SHISA9: variants seen among roughly 807,000 people sequenced by gnomAD.
The protein encoded by SHISA9 is shisa family member 9.
In SHISA9, 13 loss-of-function variants were observed where a neutral mutation model predicts 38.0. The ratio of observed to expected loss-of-function variants is 0.34; its 90% CI spans 0.22 to 0.54. SHISA9 has a LOEUF of 0.54. SHISA9 is among the 20% of genes least tolerant of loss of function. The pLI, the probability that SHISA9 is intolerant of heterozygous loss-of-function variation, is 0.91. For synonymous variants in SHISA9, 275 were observed against 242.0 expected, an observed-to-expected ratio of 1.14 and a Z score of -1.27; for missense variants, 538 against 575.8, an observed-to-expected ratio of 0.93 and a Z score of 0.67.
At chr16:12,955,589 A>G (rs2071820235) in intron 2 of SHISA9, among the ~76,000 whole-genome samples, 2 of 152,100 alleles carry the variant, frequency 1.3e-5, no homozygotes, top group African/African-American at 4.8e-5. Flanking sequence ...TAGAGAACCC[A>G]GAAATAAAGC....
the SHISA9 span, among the ~76,000 whole-genome samples, chr16:13,526,614 G>T: frequency 6.6e-6 from 1 of 152,138 alleles, no homozygotes; most frequent in Admixed American, 6.5e-5. Flanking sequence ...TCGAACCCCT[G>T]ATCTCAAGTG....
chr16:13,469,365 A>AAAAGAAAGAAAGAAAGAAAG, the SHISA9 span, among the ~76,000 whole-genome samples: 28 of 64,530 alleles, frequency 4.3e-4, no homozygotes, highest in Non-Finnish European at 4.9e-4. Context: ...AAAGAAAAGA[A>AAAAGAAAGAAAGAAAGAAAG]AAAGAAAGAA....
Position 12,916,732 on chromosome 16 carries a change from A to G in SHISA9, c.608A>G (p.Asp203Gly). 2.6e-6 allele frequency: 4 copies of G among 1,552,172 alleles called. No individual in the cohort carries two copies. Among genetic ancestry groups the G allele is most frequent in the Non-Finnish European group, 3.5e-6 (4 of 1,147,098 alleles). Residue 203 changes from aspartate to glycine, a missense_variant, in exon 2 of 5, where the codon GAT becomes GGT. By Grantham distance (94) the Asp-to-Gly change is moderately conservative. This residue lies in a region of SHISA9 where 326 missense variants were observed against 305.9 expected (regional missense o/e 1.07). Transcript: ENST00000558583. ...VMRPQGHCNT[D>G]HMERDLNIVV... Reference sequence around the variant, plus strand: ...AGACCACAGGGCCACTGCAACACTGATCACATGGAGAGAGACCTAAACATC... The same window carrying G: ...AGACCACAGGGCCACTGCAACACTGGTCACATGGAGAGAGACCTAAACATC...
At chr16:13,048,690 G>A (rs1290811570) in intron 2 of SHISA9, among the ~76,000 whole-genome samples, 1 of 152,188 alleles carries the variant, frequency 6.6e-6, no homozygotes, top group Non-Finnish European at 1.5e-5. Flanking sequence ...CCAAAGTGCT[G>A]GGATTACAGG....
At chr16:13,292,158 G>A in the SHISA9 span, among the ~76,000 whole-genome samples, 1 of 151,770 alleles carries the variant, frequency 6.6e-6, no homozygotes, top group Non-Finnish European at 1.5e-5. Flanking sequence ...TGCTGAACTA[G>A]GAAAAGCCAA....
At position 13,235,452 on chromosome 16, in the gene SHISA9, G is replaced by C; in HGVS notation, c.*43G>C. The C allele has an allele frequency of 6.7e-7, 1 of 1,492,782 alleles. No individual in the cohort carries two copies. Among genetic ancestry groups the C allele is most frequent in the East Asian group, 2.5e-5 (1 of 40,448 alleles). The allele number at this position is 1,492,782 out of a possible 1,614,324, so 92.5% of individuals were successfully genotyped here. ...CACCCTGGAGACCACACTCAACTGA[G>C]AGAGGCAAAAAACAACCCCGCCCAC... is the stretch of plus-strand genomic sequence containing the variant. On this transcript the variant is annotated 3_prime_UTR_variant, in exon 5 of 5. Transcript: ENST00000558583.
At chr16:13,118,368 A>G (rs2074051841) in intron 2 of SHISA9, among the ~76,000 whole-genome samples, 1 of 152,136 alleles carries the variant, frequency 6.6e-6, no homozygotes, top group Non-Finnish European at 1.5e-5. Flanking sequence ...AGCCCTAAAG[A>G]GCAAGGAGGA....
chr16:13,459,232 C>A, the SHISA9 span, among the ~76,000 whole-genome samples: 4 of 152,122 alleles, frequency 2.6e-5, no homozygotes, highest in Non-Finnish European at 5.9e-5. Flanking sequence ...TGTGCCCGTA[C>A]CTTACAAGTC....
chr16:13,019,928 TTTCTTTCTTTCTTTCTTTC>T (rs1567184175), intron 2 of SHISA9, among the ~76,000 whole-genome samples: 2 of 89,238 alleles, frequency 2.2e-5, no homozygotes, highest in South Asian at 4.0e-4. Flanking sequence ...TCTTTCTTTC[TTTCTTTCTTTCTTTCTTTC>T]TTTCTTTCTT....
intron 2 of SHISA9, among the ~76,000 whole-genome samples, chr16:13,110,419 C>T (rs1056324291): frequency 3.9e-5 from 6 of 152,030 alleles, no homozygotes; most frequent in Admixed American, 6.6e-5. Context: ...ATGCAAGAGA[C>T]GAAAAGAGGA....
At chr16:13,079,905 T>C (rs276608) in intron 2 of SHISA9, among the ~76,000 whole-genome samples, 1 of 151,978 alleles carries the variant, frequency 6.6e-6, no homozygotes, top group Non-Finnish European at 1.5e-5. Flanking sequence ...CACCTTCTTG[T>C]GGTGTTAACA....
At chr16:12,926,460 A>T (rs2071394501) in intron 2 of SHISA9, among the ~76,000 whole-genome samples, 1 of 152,220 alleles carries the variant, frequency 6.6e-6, no homozygotes, top group South Asian at 2.1e-4. Context: ...GCTGATATTT[A>T]TTAAAATACT....
At chr16:13,076,641 A>G (rs1370244958) in intron 2 of SHISA9, among the ~76,000 whole-genome samples, 1 of 151,994 alleles carries the variant, frequency 6.6e-6, no homozygotes, top group African/African-American at 2.4e-5. Flanking sequence ...CCCTTTTCCT[A>G]TTTCCCCATT....
In SHISA9 at chr16:13,238,015, G is replaced by A. The variant is rs2051402315; in HGVS notation, c.*2606G>A. ...AATCATCAGTTGCCATAAATAGAAA[G>A]CAAACATAAAAATAAGTACAAAGGA... On this transcript the variant is annotated 3_prime_UTR_variant, in exon 5 of 5. Transcript: ENST00000558583. 2 of 152,082 alleles carry A rather than the reference G, an allele frequency of 1.3e-5. No homozygotes were observed. The highest frequency in any genetic ancestry group is 2.4e-5 in the African/African-American group (1 of 41,420). The allele number at this position is 152,082 out of a possible 1,614,324, so 9.4% of individuals were successfully genotyped here.
chr16:13,138,183 A>C (rs1490812198), intron 2 of SHISA9, among the ~76,000 whole-genome samples: 1 of 152,192 alleles, frequency 6.6e-6, no homozygotes. Context: ...GTGGACTAGC[A>C]ACAGCAGCAG....
chr16:13,551,081 G>A, the SHISA9 span, among the ~76,000 whole-genome samples: 58 of 150,092 alleles, frequency 3.9e-4, no homozygotes, highest in East Asian at 8.3e-3. Context: ...CCGAGATCAC[G>A]CCACTGCACT....
In SHISA9 at chr16:13,019,884, C is replaced by CTCCTTTCTTTCTTTCT. The variant is rs1567184073; in HGVS notation, c.691+103070_691+103071insCCTTTCTTTCTTTCTT. Among the ~76,000 whole-genome samples the CTCCTTTCTTTCTTTCT allele has an allele frequency of 9.6e-5, 2 of 20,918 alleles. 1 individual carries two copies. Among genetic ancestry groups the CTCCTTTCTTTCTTTCT allele is most frequent in the African/African-American group, 3.6e-4 (2 of 5,484 alleles). The allele number at this position is 20,918 out of a possible 152,430, so 13.7% of individuals were successfully genotyped here. On this transcript the variant is annotated intron_variant, in intron 2 of 4. Coordinates refer to ENST00000558583, the MANE Select transcript of SHISA9 (RefSeq NM_001145204.3). ...CCTCCCTCCCTCCCTCCCTCCCTCC[C>CTCCTTTCTTTCTTTCT]TTCTTTCTTTCTTTCTTTCTTTCTT... is the stretch of plus-strand genomic sequence containing the variant.
chr16:12,908,425 A>G lies in SHISA9; in HGVS notation c.563+5798A>G, dbSNP rs111352989. 2.2e-3 allele frequency: 3,355 copies of G among 1,545,988 alleles called. 68 individuals carry two copies. In the African/African-American group the frequency reaches 0.041, roughly 19 times the overall value. On this transcript the variant is annotated intron_variant, in intron 1 of 4. Coordinates refer to ENST00000558583, the MANE Select transcript of SHISA9 (RefSeq NM_001145204.3). ...TCCTTGTTGGTTTTGCAATTTTGCC[A>G]TAAGCTTATGTGTAAATTCTCGTTT...
the SHISA9 span, among the ~76,000 whole-genome samples, chr16:13,411,149 A>C: frequency 6.6e-6 from 1 of 152,198 alleles, no homozygotes; most frequent in Admixed American, 6.5e-5. Context: ...CAATCTCCTA[A>C]CTTGATGTGG....
Sources: allele counts gnomAD v4.1 joint callset (sites outside exome capture counted in the v4.1 genomes callset), GRCh38; gene constraint gnomAD v4.1.1; regional missense constraint gnomAD v4.1.1; transcripts MANE v1.5; gene names NCBI Gene and HGNC (gene_info 2026-07-23, HGNC 2026-07-21).